UBE3D: variants seen among roughly 807,000 people sequenced by gnomAD.
UBE3D encodes E3 ubiquitin-protein ligase E3D.
Under a neutral mutation model 49.6 loss-of-function variants are expected in UBE3D, and 48 were observed. That is an observed-to-expected ratio of 0.97 (90% CI 0.77 to 1.23). The LOEUF is 1.23. Ranked by LOEUF, UBE3D falls within the 50% of genes most tolerant of loss-of-function variation. UBE3D has a pLI of 0.00. For synonymous variants in UBE3D, 189 were observed against 174.2 expected (o/e 1.08, Z -0.67); for missense variants, 452 against 468.4 (o/e 0.96, Z 0.32).
intron 8 of UBE3D, among the ~76,000 whole-genome samples, chr6:82,985,470 C>T (rs1279149759): frequency 6.6e-6 from 1 of 152,118 alleles, no homozygotes; most frequent in East Asian, 1.9e-4. Flanking sequence ...TCAAGCGATT[C>T]TCCTGCTTCA....
chr6:82,904,491 C>T (rs550541839), intron 9 of UBE3D, among the ~76,000 whole-genome samples: 1 of 152,288 alleles, frequency 6.6e-6, no homozygotes, highest in East Asian at 1.9e-4. Context: ...AGCTGAATGA[C>T]CTCTTGGAGC....
At chr6:83,014,327 A>C (rs1324025837) in intron 8 of UBE3D, among the ~76,000 whole-genome samples, 1 of 152,180 alleles carries the variant, frequency 6.6e-6, no homozygotes, top group African/African-American at 2.4e-5. Flanking sequence ...GTTTTGATTT[A>C]CTATTTTTCT....
rs1377711825 is a variant in UBE3D, at chr6:82,921,432, G to A, written c.1150-28390C>T. ...TGCTTGTGCTTTAAACCTATGAAAG[G>A]CTGAGGGTCAGCAGACAAGCCTGGA... On this transcript the variant is annotated intron_variant, in intron 9 of 9. Coordinates refer to ENST00000369747, the MANE Select transcript of UBE3D (RefSeq NM_198920.3). Among the ~76,000 whole-genome samples the A allele has an allele frequency of 2.0e-5, 3 of 152,072 alleles. No individual in the cohort carries two copies. In the East Asian group the frequency reaches 5.8e-4, roughly 29 times the overall value.
intron 4 of UBE3D, among the ~76,000 whole-genome samples, chr6:83,039,501 T>C (rs1360205384): frequency 6.6e-6 from 1 of 152,228 alleles, no homozygotes; most frequent in East Asian, 1.9e-4. Flanking sequence ...AGAGCTGATG[T>C]CTGAATCTGG....
downstream of UBE3D, among the ~76,000 whole-genome samples, chr6:82,891,751 C>T (rs1474309680): frequency 6.6e-6 from 1 of 152,166 alleles, no homozygotes; most frequent in African/African-American, 2.4e-5. Flanking sequence ...AGAGGCCAGG[C>T]GTGGTGACTC....
At chr6:82,975,912 G>A (rs978352231) in intron 8 of UBE3D, among the ~76,000 whole-genome samples, 2 of 152,078 alleles carry the variant, frequency 1.3e-5, no homozygotes, top group Admixed American at 6.5e-5. Flanking sequence ...TACAAAATAA[G>A]TAACACAAAT....
At chr6:82,987,255 CCT>C in intron 8 of UBE3D, among the ~76,000 whole-genome samples, 1 of 152,134 alleles carries the variant, frequency 6.6e-6, no homozygotes, top group African/African-American at 2.4e-5. Flanking sequence ...CTCAAGTAAT[CCT>C]TCCACCTCAG....
At chr6:82,905,544 G>A (rs1772040072) in intron 9 of UBE3D, among the ~76,000 whole-genome samples, 1 of 152,026 alleles carries the variant, frequency 6.6e-6, no homozygotes, top group Non-Finnish European at 1.5e-5. Flanking sequence ...ACTGAAATTA[G>A]GCCAATTAAT....
At chr6:82,915,477 C>A (rs1428040860) in intron 9 of UBE3D, among the ~76,000 whole-genome samples, 1 of 152,066 alleles carries the variant, frequency 6.6e-6, no homozygotes, top group Non-Finnish European at 1.5e-5. Flanking sequence ...TGGGAAATGA[C>A]CACCCCGCCA....
chr6:82,896,636 T>C (rs1037740328), intron 9 of UBE3D, among the ~76,000 whole-genome samples: 1 of 152,256 alleles, frequency 6.6e-6, no homozygotes, highest in South Asian at 2.1e-4. Flanking sequence ...CATTAATACA[T>C]TTGTGTGACA....
At chr6:83,043,566 ATAAAC>A (rs2127818569) in intron 4 of UBE3D, among the ~76,000 whole-genome samples, 1 of 152,288 alleles carries the variant, frequency 6.6e-6, no homozygotes, top group South Asian at 2.1e-4. Context: ...GAATAGTTCT[ATAAAC>A]TAATTTACAA....
intron 8 of UBE3D, among the ~76,000 whole-genome samples, chr6:82,970,417 G>A (rs1777262024): frequency 6.6e-6 from 1 of 152,084 alleles, no homozygotes; most frequent in Admixed American, 6.5e-5. Flanking sequence ...AAACCTTATT[G>A]ACAGAAAGAA....
intron 9 of UBE3D, among the ~76,000 whole-genome samples, chr6:82,947,491 C>G (rs2127762673): frequency 6.6e-6 from 1 of 151,768 alleles, no homozygotes; most frequent in Non-Finnish European, 1.5e-5. Context: ...TTGTAGAATA[C>G]ATATTTTTTA....
downstream of UBE3D, among the ~76,000 whole-genome samples, chr6:82,892,226 A>G (rs1350050320): frequency 6.6e-6 from 1 of 152,208 alleles, no homozygotes; most frequent in African/African-American, 2.4e-5. Flanking sequence ...GCCTGGCTCC[A>G]GTCCCAGCTT....
Position 83,019,070 on chromosome 6 carries a change from A to C in UBE3D, c.913T>G (p.Phe305Val), listed in dbSNP as rs1443370072. The C allele has an allele frequency of 6.2e-7, 1 of 1,613,988 alleles. No homozygotes were observed. The highest frequency in any genetic ancestry group is 1.1e-5 in the South Asian group (1 of 91,064). ...TTGAATGTGTTTTCCAACAAGGGGAATTTTTTGATATATTTGGAATTTCTC... is the reference window on the plus strand; with the variant it reads ...TTGAATGTGTTTTCCAACAAGGGGACTTTTTTGATATATTTGGAATTTCTC... ...SLRNSKYIKK[F>V]PLLENTFKAD... is the part of the protein sequence containing the mutation. Residue 305 changes from phenylalanine to valine, a missense_variant, in exon 8 of 10, where the codon TTC becomes GTC. Transcript: ENST00000369747.
intron 9 of UBE3D, among the ~76,000 whole-genome samples, chr6:82,898,871 G>C (rs1771529285): frequency 6.6e-6 from 1 of 151,926 alleles, no homozygotes; most frequent in Non-Finnish European, 1.5e-5. Context: ...GGGCTGGGAG[G>C]CTAGCTTCAT....
chr6:83,046,676 G>GGGC (rs1554211657), intron 3 of UBE3D, among the ~76,000 whole-genome samples: 20 of 138,300 alleles, frequency 1.4e-4, no homozygotes, highest in Admixed American at 2.2e-4. Flanking sequence ...AGTTGGCGGG[G>GGGC]GGGGTGGGCG....
At chr6:83,038,988 A>G (rs1299437489) in intron 4 of UBE3D, among the ~76,000 whole-genome samples, 1 of 152,210 alleles carries the variant, frequency 6.6e-6, no homozygotes, top group Non-Finnish European at 1.5e-5. Context: ...CTGTTCATAT[A>G]CTTCCATTTT....
chr6:82,979,536 T>A (rs1777965482), intron 8 of UBE3D, among the ~76,000 whole-genome samples: 1 of 152,130 alleles, frequency 6.6e-6, no homozygotes, highest in African/African-American at 2.4e-5. Context: ...CCAACAACAT[T>A]TAACACTTTC....
Sources: allele counts gnomAD v4.1 joint callset (sites outside exome capture counted in the v4.1 genomes callset), GRCh38; gene constraint gnomAD v4.1.1; transcripts MANE v1.5; gene names NCBI Gene and HGNC (gene_info 2026-07-23, HGNC 2026-07-21).